The following HERC1 variants were observed in gnomAD, a reference collection of about 807,000 sequenced individuals.
HERC1 encodes the protein probable E3 ubiquitin-protein ligase HERC1.
A neutral mutation model predicts 554.3 loss-of-function variants in HERC1; 160 were observed. The observed-to-expected ratio is 0.29, with a 90% CI of 0.25 to 0.33. HERC1 has a LOEUF of 0.33. HERC1 is among the 10% of genes least tolerant of loss of function. The pLI, the probability that HERC1 is intolerant of heterozygous loss-of-function variation, is 1.00. For missense variants in HERC1, 4,919 were observed against 5,918.5 expected (o/e 0.83, Z 5.54); for synonymous variants, 2,175 against 2,131.7 (o/e 1.02, Z -0.56).
At chr15:63,780,186 A>G (rs2076247190) in intron 1 of HERC1, among the ~76,000 whole-genome samples, 1 of 152,014 alleles carries the variant, frequency 6.6e-6, no homozygotes, top group African/African-American at 2.4e-5. Context: ...CTCCTATCCT[A>G]TTTTAGATTT....
intron 66 of HERC1, 54 bp from the exon 67 acceptor site, chr15:63,634,024 C>CCCCGTTT: frequency 6.3e-7 from 1 of 1,598,604 alleles, no homozygotes. Flanking sequence ...AAACACACTC[C>CCCCGTTT]CCCGTTTCTG....
chr15:63,659,782 T>C lies in HERC1; in HGVS notation c.9378A>G (p.Ala3126=), dbSNP rs1253282535. 1 of 1,613,978 alleles carries C rather than the reference T, an allele frequency of 6.2e-7. No individual in the cohort carries two copies. The change falls in exon 47 of 78, where the codon GCA becomes GCG. Residue 3126 remains alanine, a synonymous_variant. Coordinates refer to ENST00000443617, the MANE Select transcript of HERC1 (RefSeq NM_003922.4). The stretch of plus-strand genomic sequence containing the variant: ...CCATACTGTTGGTGGCTGTGACCAT[T>C]GCTACTGATGCTCCCAGTGGATCGC... ...PDSDPLGASV[A]MVTATNSMEE... is the part of the protein sequence containing the mutation.
chr15:63,687,693 A>G (rs1460269345), intron 33 of HERC1, among the ~76,000 whole-genome samples: 3 of 152,156 alleles, frequency 2.0e-5, no homozygotes, highest in African/African-American at 7.2e-5. Flanking sequence ...TTTGGAAGAG[A>G]AAAAGAAAAA....
At chr15:63,745,778 T>G (rs2075033114) in intron 12 of HERC1, among the ~76,000 whole-genome samples, 2 of 152,326 alleles carry the variant, frequency 1.3e-5, no homozygotes, top group Middle Eastern at 3.4e-3. Flanking sequence ...GTTGTTAAAG[T>G]GGTGTCCTTG....
Position 63,649,805 on chromosome 15 carries a change from T to C in HERC1, c.10667A>G (p.Asp3556Gly). The change falls in exon 54 of 78, where the codon GAT becomes GGT. Residue 3556 changes from aspartate (D) to glycine (G), a missense_variant. Around this residue, in one of 11 missense-constraint regions of HERC1, gnomAD observed 1,963 missense variants for 2,228.6 expected, o/e 0.88. Transcript: ENST00000443617. ...AACTTCAATCAGTCCCAGAGATCCATCCATCCGTCCCACCAACAACAATTC... is the reference window on the plus strand; with the variant it reads ...AACTTCAATCAGTCCCAGAGATCCACCCATCCGTCCCACCAACAACAATTC... ...SPELLLVGRM[D>G]GSLGLIEVVD... The C allele has an allele frequency of 1.2e-6, 2 of 1,613,652 alleles. No individual in the cohort carries two copies. The highest frequency in any genetic ancestry group is 1.7e-6 in the Non-Finnish European group (2 of 1,179,780).
intron 76 of HERC1, among the ~76,000 whole-genome samples, chr15:63,613,553 CTA>C (rs1386926285): frequency 3.9e-5 from 6 of 152,132 alleles, no homozygotes; most frequent in Non-Finnish European, 8.8e-5. Context: ...AAGTGAGTAA[CTA>C]TGTGAGGTGA....
chr15:63,809,445 C>T (rs1396660297), intron 1 of HERC1, among the ~76,000 whole-genome samples: 1 of 152,138 alleles, frequency 6.6e-6, no homozygotes, highest in African/African-American at 2.4e-5. Context: ...AACCTCAAAG[C>T]ATATAAAGAT....
chr15:63,623,898 A>G lies in HERC1; in HGVS notation c.13446-8T>C. ...GGCTTACACTTCCGTCCTCTTTAAAAGAAAGGGAGAAAGCAATGAAATACA... is the reference window on the plus strand; with the variant it reads ...GGCTTACACTTCCGTCCTCTTTAAAGGAAAGGGAGAAAGCAATGAAATACA... On this transcript the variant is annotated splice_region_variant and splice_polypyrimidine_tract_variant and intron_variant, in intron 72 of 77. Coordinates refer to ENST00000443617, the MANE Select transcript of HERC1 (RefSeq NM_003922.4). 6 of 1,612,860 alleles carry G rather than the reference A, an allele frequency of 3.7e-6. No individual in the cohort carries two copies. The highest frequency in any genetic ancestry group is 5.1e-6 in the Non-Finnish European group (6 of 1,179,134).
chr15:63,691,135 T>TA (rs1466431354), intron 31 of HERC1, among the ~76,000 whole-genome samples: 1 of 152,172 alleles, frequency 6.6e-6, no homozygotes, highest in Admixed American at 6.5e-5. Flanking sequence ...CAGGGATTGT[T>TA]AGGGTTAACC....
At chr15:63,642,788 G>GT (rs1470754883) in intron 59 of HERC1, among the ~76,000 whole-genome samples, 169 bp downstream of exon 59, 1 of 152,190 alleles carries the variant, frequency 6.6e-6, no homozygotes, top group Non-Finnish European at 1.5e-5. Context: ...TAAATCAGGA[G>GT]ACTTAGGTTC....
At chr15:63,767,558 C>A (rs1022224586) in intron 2 of HERC1, among the ~76,000 whole-genome samples, 2 of 152,142 alleles carry the variant, frequency 1.3e-5, no homozygotes, top group East Asian at 3.9e-4. Flanking sequence ...TTTAGCCGGG[C>A]GTGGTGGCGG....
At chr15:63,814,253 C>A (rs1185799028) in intron 1 of HERC1, among the ~76,000 whole-genome samples, 3 of 152,110 alleles carry the variant, frequency 2.0e-5, no homozygotes, top group Non-Finnish European at 2.9e-5. Flanking sequence ...TTCCCACTAT[C>A]TAAAAATCAT....
chr15:63,736,265 T>C (rs2074499896), intron 12 of HERC1, among the ~76,000 whole-genome samples: 1 of 152,212 alleles, frequency 6.6e-6, no homozygotes, highest in Non-Finnish European at 1.5e-5. Flanking sequence ...ACAGGAAGAT[T>C]GGTTGAAAAC....
At chr15:63,801,316 T>C (rs2076980140) in intron 1 of HERC1, among the ~76,000 whole-genome samples, 1 of 152,202 alleles carries the variant, frequency 6.6e-6, no homozygotes, top group South Asian at 2.1e-4. Flanking sequence ...ACTCAATACA[T>C]GCAACTGGCA....
At chr15:63,759,996 T>G (rs1266796893) in intron 3 of HERC1, among the ~76,000 whole-genome samples, 1 of 152,156 alleles carries the variant, frequency 6.6e-6, no homozygotes, top group Non-Finnish European at 1.5e-5. Context: ...GAGTCAGAAT[T>G]GCTCATCTAC....
chr15:63,826,843 A>ATATATATATATAT (rs71447354), intron 1 of HERC1, among the ~76,000 whole-genome samples: 16 of 119,504 alleles, frequency 1.3e-4, no homozygotes, highest in South Asian at 2.6e-4. Context: ...ATATATATAT[A>ATATATATATATAT]AAGTATGACA....
intron 14 of HERC1, among the ~76,000 whole-genome samples, chr15:63,731,017 A>G (rs558532800): frequency 8.5e-5 from 13 of 152,326 alleles, no homozygotes; most frequent in Non-Finnish European, 1.8e-4. Flanking sequence ...AATATTTTTC[A>G]TAATATTGTA....
At chr15:63,637,134 T>A (rs1343821984) in intron 64 of HERC1, 1 of 458,138 alleles carries the variant, frequency 2.2e-6, no homozygotes, top group African/African-American at 2.0e-5. Flanking sequence ...TCCTTTAAAG[T>A]CTTTAGCACA....
chr15:63,615,966 C>G, intron 75 of HERC1, 46 bp from the exon 76 acceptor site: 2 of 1,465,652 alleles, frequency 1.4e-6, no homozygotes, highest in South Asian at 1.3e-5. Context: ...GTAGAAATGA[C>G]AGCAAAAAGT....
Sources: allele counts gnomAD v4.1 joint callset (sites outside exome capture counted in the v4.1 genomes callset), GRCh38; gene constraint gnomAD v4.1.1; regional missense constraint gnomAD v4.1.1; transcripts MANE v1.5; gene names NCBI Gene and HGNC (gene_info 2026-07-23, HGNC 2026-07-21).